Variants in SHISA9 observed in about 807,000 individuals in gnomAD.
SHISA9 encodes shisa family member 9, also known as protein shisa-9.
A neutral mutation model predicts 38.0 loss-of-function variants in SHISA9; 13 were observed. The ratio of observed to expected loss-of-function variants is 0.34; its 90% CI spans 0.22 to 0.54. The LOEUF is 0.54. Ranked by LOEUF, SHISA9 falls within the 20% of genes least tolerant of loss-of-function variation. The pLI is 0.91. For synonymous variants in SHISA9, 275 were observed against 242.0 expected (o/e 1.14, Z -1.27); for missense variants, 538 against 575.8 (o/e 0.93, Z 0.67).
At chr16:12,977,178 G>A (rs2072174562) in intron 2 of SHISA9, among the ~76,000 whole-genome samples, 2 of 152,142 alleles carry the variant, frequency 1.3e-5, no homozygotes, top group Admixed American at 1.3e-4. Context: ...TCCAGACAAT[G>A]GAGGCTCGGT....
intron 3 of SHISA9, among the ~76,000 whole-genome samples, chr16:13,211,015 G>C (rs1273802010): frequency 6.6e-6 from 1 of 152,180 alleles, no homozygotes; most frequent in Non-Finnish European, 1.5e-5. Context: ...GTAAAAGTTT[G>C]GCTGGGCACA....
the SHISA9 span, among the ~76,000 whole-genome samples, chr16:13,559,905 A>G: frequency 6.6e-6 from 1 of 152,224 alleles, no homozygotes; most frequent in East Asian, 1.9e-4. Context: ...CATCAACTGG[A>G]AAGATTGACT....
At chr16:13,422,526 T>C in the SHISA9 span, among the ~76,000 whole-genome samples, 1,442 of 152,056 alleles carry the variant, frequency 9.5e-3, 30 homozygotes, top group African/African-American at 0.034. Context: ...CGAAACCCCA[T>C]CTCTACCAAA....
the SHISA9 span, among the ~76,000 whole-genome samples, chr16:13,405,513 C>A: frequency 6.6e-6 from 1 of 152,186 alleles, no homozygotes; most frequent in African/African-American, 2.4e-5. Context: ...GTGATATGCG[C>A]AGGTTTATTA....
the SHISA9 span, among the ~76,000 whole-genome samples, chr16:13,527,200 ATAT>A: frequency 1.3e-5 from 2 of 152,186 alleles, no homozygotes; most frequent in Non-Finnish European, 2.9e-5. Context: ...TCATGAGTAA[ATAT>A]TATTATAAGT....
the SHISA9 span, among the ~76,000 whole-genome samples, chr16:13,308,933 G>A: frequency 1.3e-3 from 193 of 152,310 alleles, no homozygotes; most frequent in Admixed American, 3.4e-3. Flanking sequence ...TACTGGATTG[G>A]ACAAAGAATA....
chr16:13,021,854 C>T (rs942505359), intron 2 of SHISA9, among the ~76,000 whole-genome samples: 4 of 152,124 alleles, frequency 2.6e-5, no homozygotes, highest in Admixed American at 6.5e-5. Flanking sequence ...AGGGGGCAGC[C>T]TGGGAAGAGA....
At chr16:13,519,384 G>A in the SHISA9 span, among the ~76,000 whole-genome samples, 2 of 152,180 alleles carry the variant, frequency 1.3e-5, no homozygotes, top group African/African-American at 4.8e-5. Context: ...ATTGATGAAT[G>A]AGCCTGTTCA....
the SHISA9 span, among the ~76,000 whole-genome samples, chr16:13,486,711 T>G: frequency 6.6e-6 from 1 of 152,196 alleles, no homozygotes; most frequent in Non-Finnish European, 1.5e-5. Flanking sequence ...CTTTCTCTTT[T>G]TATTTTCTTT....
chr16:13,204,183 T>A (rs534069850), intron 3 of SHISA9, among the ~76,000 whole-genome samples: 4 of 150,552 alleles, frequency 2.7e-5, no homozygotes, highest in Non-Finnish European at 4.4e-5. Context: ...TCTATCATCT[T>A]TCTATCTACC....
chr16:13,288,217 T>C, the SHISA9 span, among the ~76,000 whole-genome samples: 1 of 152,160 alleles, frequency 6.6e-6, no homozygotes, highest in Non-Finnish European at 1.5e-5. Flanking sequence ...TGGGACCATG[T>C]TGGCTATTGG....
the SHISA9 span, among the ~76,000 whole-genome samples, chr16:13,460,286 T>A: frequency 0.02 from 2,975 of 152,160 alleles, 106 homozygotes; most frequent in African/African-American, 0.068. Flanking sequence ...GAACACCTCA[T>A]GGAGAAGAAT....
chr16:13,122,749 T>C (rs376599716), intron 2 of SHISA9, among the ~76,000 whole-genome samples: 2 of 152,194 alleles, frequency 1.3e-5, no homozygotes, highest in African/African-American at 2.4e-5. Context: ...TTTTAAGATT[T>C]AAAAATATTA....
At chr16:13,375,803 T>C in the SHISA9 span, among the ~76,000 whole-genome samples, 2 of 152,210 alleles carry the variant, frequency 1.3e-5, no homozygotes, top group East Asian at 1.9e-4. Context: ...CCTGTATTCA[T>C]GGATAAGAAG....
the SHISA9 span, among the ~76,000 whole-genome samples, chr16:13,334,072 C>CT: frequency 6.6e-6 from 1 of 152,172 alleles, no homozygotes; most frequent in Non-Finnish European, 1.5e-5. Flanking sequence ...AATGAGAAAA[C>CT]TGAGGTTTGG....
At chr16:13,208,662 C>T (rs2051090555) in intron 3 of SHISA9, among the ~76,000 whole-genome samples, 1 of 152,160 alleles carries the variant, frequency 6.6e-6, no homozygotes, top group Non-Finnish European at 1.5e-5. Flanking sequence ...TATTAGCACA[C>T]ACTGGGGAAT....
chr16:13,218,574 G>C (rs901876242), intron 4 of SHISA9, among the ~76,000 whole-genome samples: 4 of 152,214 alleles, frequency 2.6e-5, no homozygotes, highest in African/African-American at 7.2e-5. Flanking sequence ...GGCAGTGACA[G>C]AGTAATTTGT....
At chr16:13,364,228 A>G in the SHISA9 span, among the ~76,000 whole-genome samples, 1 of 152,230 alleles carries the variant, frequency 6.6e-6, no homozygotes, top group South Asian at 2.1e-4. Context: ...ACCTGTGCCC[A>G]CTAGGTCCTT....
the SHISA9 span, among the ~76,000 whole-genome samples, chr16:13,262,631 T>TGGAAGGAAGGAAGGAAGGAA: frequency 3.9e-3 from 303 of 77,964 alleles, 5 homozygotes; most frequent in Non-Finnish European, 4.7e-3. Flanking sequence ...ATTGTTATTG[T>TGGAAGGAAGGAAGGAAGGAA]GGAAGGAAGG....
Sources: allele counts gnomAD v4.1 joint callset (sites outside exome capture counted in the v4.1 genomes callset), GRCh38; gene constraint gnomAD v4.1.1; transcripts MANE v1.5; gene names NCBI Gene and HGNC (gene_info 2026-07-23, HGNC 2026-07-21).